The following TNR variants were observed in gnomAD, a reference collection of about 807,000 sequenced individuals.
The protein encoded by TNR is tenascin-R.
TNR carries 45 observed loss-of-function variants against 150.4 expected under a neutral mutation model. The ratio of observed to expected loss-of-function variants is 0.30; its 90% CI spans 0.24 to 0.38. TNR has a LOEUF of 0.38. Ranked by LOEUF, TNR falls within the 10% of genes least tolerant of loss-of-function variation. The probability of loss-of-function intolerance (pLI) is 1.00; values close to 1 mark genes in which losing one functional copy is unlikely to be tolerated. For synonymous variants in TNR, 687 were observed against 678.4 expected, an observed-to-expected ratio of 1.01 and a Z score of -0.20; for missense variants, 1,544 against 1,759.1, an observed-to-expected ratio of 0.88 and a Z score of 2.19.
chr1:175,359,580 C>A (rs1651495417), intron 15 of TNR, 32 bp downstream of exon 15: 3 of 1,612,518 alleles, frequency 1.9e-6, no homozygotes, highest in African/African-American at 2.7e-5. Flanking sequence ...ACCATTCCCA[C>A]CTGCCTGATC....
chr1:175,706,323 A>C (rs1469443747), intron 1 of TNR, among the ~76,000 whole-genome samples: 1 of 152,106 alleles, frequency 6.6e-6, no homozygotes, highest in Non-Finnish European at 1.5e-5. Context: ...TATTAATAAA[A>C]CTTAGGGTCC....
At chr1:175,469,258 T>G (rs535014897) in intron 2 of TNR, among the ~76,000 whole-genome samples, 1 of 152,216 alleles carries the variant, frequency 6.6e-6, no homozygotes, top group South Asian at 2.1e-4. Context: ...AGCCTCTGCC[T>G]TGAAGAAGTT....
At chr1:175,627,688 TC>T (rs1664196512) in intron 1 of TNR, among the ~76,000 whole-genome samples, 1 of 151,998 alleles carries the variant, frequency 6.6e-6, no homozygotes, top group East Asian at 1.9e-4. Flanking sequence ...ATAATTGCCA[TC>T]CCCCATCCTT....
chr1:175,671,931 G>GTGTGTC (rs1665712751), intron 1 of TNR, among the ~76,000 whole-genome samples: 1 of 151,726 alleles, frequency 6.6e-6, no homozygotes. Flanking sequence ...GTGTGTGTGT[G>GTGTGTC]TGTGTGTGTG....
At chr1:175,343,515 AG>A (rs1336063986) in intron 18 of TNR, among the ~76,000 whole-genome samples, 5 of 152,206 alleles carry the variant, frequency 3.3e-5, no homozygotes, top group Non-Finnish European at 7.4e-5. Flanking sequence ...GTGCTGTCCT[AG>A]AAGTCAGCTC....
chr1:175,634,784 C>T (rs1664443450), intron 1 of TNR, among the ~76,000 whole-genome samples: 1 of 152,212 alleles, frequency 6.6e-6, no homozygotes, highest in Non-Finnish European at 1.5e-5. Flanking sequence ...CAAGTTGCCA[C>T]TCCTAATCGA....
rs536890482 is a variant in TNR at position 175,393,354 on chromosome 1, T to C, written c.1356+426A>G. Among the ~76,000 whole-genome samples, 6 of 152,366 alleles carry C rather than the reference T, an allele frequency of 3.9e-5. No homozygotes were observed. In the East Asian group the frequency reaches 7.7e-4, roughly 20 times the overall value. On this transcript the variant is annotated intron_variant, in intron 6 of 22. Transcript: ENST00000367674. ...TTGATGCCATGCAAGCTGACTTTTC[T>C]GTGGTGCATCTGTCTGCACAGAATG...
At chr1:175,656,262 C>G (rs535641600) in intron 1 of TNR, among the ~76,000 whole-genome samples, 2 of 151,866 alleles carry the variant, frequency 1.3e-5, no homozygotes, top group South Asian at 4.2e-4. Context: ...AGCCCTGTGC[C>G]AACCCTGAGG....
At chr1:175,571,483 T>C (rs1403473617) in intron 1 of TNR, among the ~76,000 whole-genome samples, 1 of 152,230 alleles carries the variant, frequency 6.6e-6, no homozygotes, top group Non-Finnish European at 1.5e-5. Context: ...GTGGCACAAT[T>C]AACAAATGTG....
chr1:175,638,737 C>G (rs1050818800), intron 1 of TNR, among the ~76,000 whole-genome samples: 10 of 152,154 alleles, frequency 6.6e-5, no homozygotes, highest in African/African-American at 2.4e-4. Context: ...AACACCAAGT[C>G]CAAATTCCAA....
intron 1 of TNR, among the ~76,000 whole-genome samples, chr1:175,652,837 C>T (rs1275298220): frequency 6.6e-6 from 1 of 152,084 alleles, no homozygotes; most frequent in African/African-American, 2.4e-5. Context: ...TGAAAATAAA[C>T]TAATACAGGA....
At chr1:175,620,692 T>C (rs376831795) in intron 1 of TNR, among the ~76,000 whole-genome samples, 1 of 152,144 alleles carries the variant, frequency 6.6e-6, no homozygotes, top group African/African-American at 2.4e-5. Flanking sequence ...CTGAATTTAG[T>C]CACACCAGTC....
At chr1:175,355,847 C>T (rs556170092) in intron 16 of TNR, among the ~76,000 whole-genome samples, 1 of 152,330 alleles carries the variant, frequency 6.6e-6, no homozygotes, top group Admixed American at 6.5e-5. Context: ...TTCCCCTTCC[C>T]TTACAGGGCC....
rs1654713666 is a variant in TNR, at chr1:175,420,726, TG to T, written c.-63-13950del. The stretch of plus-strand genomic sequence containing the variant: ...TACCAATTCTGTAAAGCATGTAAGG[TG>T]GGCGTATTGCTCCACTTTACAGATG... On this transcript the variant is annotated intron_variant, in intron 2 of 22. Coordinates refer to ENST00000367674, the MANE Select transcript of TNR (RefSeq NM_003285.3). 7.9e-5 allele frequency among the ~76,000 whole-genome samples: 12 copies of T among 152,310 alleles called. No homozygotes were observed. The South Asian group carries it at 2.3e-3, about 29-fold the overall frequency.
chr1:175,710,813 T>C (rs997017624), intron 1 of TNR, among the ~76,000 whole-genome samples: 4 of 152,202 alleles, frequency 2.6e-5, no homozygotes, highest in Non-Finnish European at 5.9e-5. Flanking sequence ...TCCTGTCATG[T>C]TGTTTTTCTC....
At chr1:175,348,479 G>A (rs74126985) in intron 18 of TNR, among the ~76,000 whole-genome samples, 2,653 of 152,212 alleles carry the variant, frequency 0.017, 86 homozygotes, top group African/African-American at 0.061. Flanking sequence ...AGTCAACCTC[G>A]AAATGAAAAC....
chr1:175,365,232 T>G lies in TNR; in HGVS notation c.2365A>C (p.Ser789Arg). ...GGATCACTCCAAGTGATGTTCACAC[T>G]GGAGGAGGTCACATGAGAAAAGTGC... Reference protein sequence around the residue: ...HLHFSHVTSSSVNITWSDPSP... With the variant: ...HLHFSHVTSSRVNITWSDPSP... Residue 789 changes from serine to arginine, a missense_variant, in exon 12 of 23, where the codon AGT becomes CGT. Physicochemically the swap from Ser to Arg is moderately radical, Grantham distance 110 (BLOSUM62 -1). This residue lies in a region of TNR where 1,254 missense variants were observed against 1,329.4 expected (regional missense o/e 0.94). Coordinates refer to ENST00000367674, the MANE Select transcript of TNR (RefSeq NM_003285.3). The G allele has an allele frequency of 6.2e-7, 1 of 1,613,874 alleles. No homozygotes were observed. The highest frequency in any genetic ancestry group is 8.5e-7 in the Non-Finnish European group (1 of 1,179,854).
intron 1 of TNR, among the ~76,000 whole-genome samples, chr1:175,566,841 A>G (rs1661664513): frequency 6.6e-6 from 1 of 152,188 alleles, no homozygotes; most frequent in South Asian, 2.1e-4. Context: ...ACAAGGAGAA[A>G]ATAATTCTTA....
rs556002631 is a variant in TNR at position 175,381,197 on chromosome 1, C to T, written c.1778-1460G>A. Reference sequence around the variant, plus strand: ...AGAGGCATGTGGAGGAACACCTGCCCCTGCATTGTTGCCCCTAAATTTCAT... The same window carrying T: ...AGAGGCATGTGGAGGAACACCTGCCTCTGCATTGTTGCCCCTAAATTTCAT... On this transcript the variant is annotated intron_variant, in intron 8 of 22. Transcript: ENST00000367674. 2.6e-5 allele frequency among the ~76,000 whole-genome samples: 4 copies of T among 152,224 alleles called. No individual in the cohort carries two copies. In the East Asian group the frequency reaches 7.7e-4, roughly 29 times the overall value.
Sources: gnomAD v4.1 joint callset for allele counts (sites outside exome capture counted in the v4.1 genomes callset) on GRCh38, gnomAD v4.1.1 for gene constraint, gnomAD v4.1.1 regional missense constraint, MANE v1.5 for transcripts, NCBI Gene and HGNC (gene_info 2026-07-23, HGNC 2026-07-21) for gene names.